Variants in ZNF521 observed in about 807,000 individuals in gnomAD.
The protein encoded by ZNF521 is zinc finger protein 521, also known as LYST-interacting protein 3.
In ZNF521, 14 loss-of-function variants were observed where a neutral mutation model predicts 105.5. That is an observed-to-expected ratio of 0.13 (90% CI 0.09 to 0.21). The LOEUF (loss-of-function observed/expected upper bound fraction) is 0.21. Ranked by LOEUF, ZNF521 falls within the 10% of genes least tolerant of loss-of-function variation. The pLI, the probability that ZNF521 is intolerant of heterozygous loss-of-function variation, is 1.00. For synonymous variants in ZNF521, 635 were observed against 606.0 expected (o/e 1.05, Z -0.70); for missense variants, 1,233 against 1,629.7 (o/e 0.76, Z 4.19).
At chr18:25,131,838 G>T (rs964529478) in intron 5 of ZNF521, among the ~76,000 whole-genome samples, 1 of 152,016 alleles carries the variant, frequency 6.6e-6, no homozygotes, top group African/African-American at 2.4e-5. Flanking sequence ...ATACACCAGA[G>T]GATTATTCCA....
At chr18:25,083,377 T>C (rs964817654) in intron 7 of ZNF521, among the ~76,000 whole-genome samples, 1 of 152,220 alleles carries the variant, frequency 6.6e-6, no homozygotes, top group Non-Finnish European at 1.5e-5. Flanking sequence ...AGTTCTGATA[T>C]GTCTGAGGTA....
chr18:25,189,315 T>C (rs2035779279), intron 5 of ZNF521, among the ~76,000 whole-genome samples: 1 of 152,222 alleles, frequency 6.6e-6, no homozygotes, highest in African/African-American at 2.4e-5. Flanking sequence ...TCTAAATACA[T>C]CCTGAATTTT....
intron 2 of ZNF521, among the ~76,000 whole-genome samples, chr18:25,326,845 T>C (rs1913247138): frequency 6.6e-6 from 1 of 152,200 alleles, no homozygotes; most frequent in African/African-American, 2.4e-5. Flanking sequence ...ATACTCCACT[T>C]ATATACTCAC....
intron 5 of ZNF521, among the ~76,000 whole-genome samples, chr18:25,185,274 A>T (rs57982684): frequency 0.02 from 2,985 of 152,262 alleles, 106 homozygotes; most frequent in African/African-American, 0.069. Flanking sequence ...TCTTTTAAGA[A>T]GATGAAGAGG....
At chr18:25,334,536 G>A (rs144619268) in intron 2 of ZNF521, among the ~76,000 whole-genome samples, 1 of 152,308 alleles carries the variant, frequency 6.6e-6, no homozygotes, top group East Asian at 1.9e-4. Flanking sequence ...GGAAGACACA[G>A]TGTCTTTTGA....
At chr18:25,088,757 A>C (rs926595351) in intron 7 of ZNF521, among the ~76,000 whole-genome samples, 2 of 152,186 alleles carry the variant, frequency 1.3e-5, no homozygotes, top group Admixed American at 6.5e-5. Context: ...AGCTAAGAAA[A>C]ATAAGAATAA....
intron 2 of ZNF521, among the ~76,000 whole-genome samples, chr18:25,345,927 C>T (rs1914440910): frequency 6.6e-6 from 1 of 152,098 alleles, no homozygotes. Flanking sequence ...AAAAGTAAAG[C>T]ATACATTTCT....
intron 7 of ZNF521, among the ~76,000 whole-genome samples, chr18:25,074,657 T>C (rs1199462271): frequency 6.6e-6 from 1 of 152,188 alleles, no homozygotes; most frequent in Non-Finnish European, 1.5e-5. Flanking sequence ...TTTCCCATTG[T>C]CTTATACTCT....
intron 5 of ZNF521, among the ~76,000 whole-genome samples, chr18:25,173,941 A>C (rs1347448343): frequency 6.6e-6 from 1 of 152,178 alleles, no homozygotes; most frequent in African/African-American, 2.4e-5. Context: ...TCTAAGATTC[A>C]TTCCTTTCAT....
chr18:25,240,114 G>C (rs967282279), intron 3 of ZNF521, among the ~76,000 whole-genome samples: 2 of 152,184 alleles, frequency 1.3e-5, no homozygotes, highest in East Asian at 1.9e-4. Flanking sequence ...AACCTCTTCT[G>C]CACTCCGTTT....
chr18:25,214,258 T>C (rs1023361209), intron 4 of ZNF521, among the ~76,000 whole-genome samples: 5 of 152,310 alleles, frequency 3.3e-5, no homozygotes, highest in African/African-American at 1.2e-4. Flanking sequence ...CTTTTTATAG[T>C]TATTTTGATA....
At chr18:25,187,612 T>C (rs2035748536) in intron 5 of ZNF521, among the ~76,000 whole-genome samples, 2 of 152,218 alleles carry the variant, frequency 1.3e-5, no homozygotes, top group Admixed American at 1.3e-4. Flanking sequence ...TTTTAATGCA[T>C]GACTTTATTC....
At chr18:25,096,130 A>G (rs558405237) in intron 5 of ZNF521, among the ~76,000 whole-genome samples, 1 of 152,364 alleles carries the variant, frequency 6.6e-6, no homozygotes, top group East Asian at 1.9e-4. Context: ...AACTGTGAAC[A>G]TAAATGTAAA....
At chr18:25,171,273 T>C (rs1245445964) in intron 5 of ZNF521, among the ~76,000 whole-genome samples, 1 of 152,154 alleles carries the variant, frequency 6.6e-6, no homozygotes, top group African/African-American at 2.4e-5. Flanking sequence ...GCAGTTAAGC[T>C]TCTTTGAATG....
At position 25,089,495 on chromosome 18, in the gene ZNF521, T is replaced by C. The variant is rs765700068; in HGVS notation, c.3876A>G (p.Pro1292=). 1 of 1,614,194 alleles carries C rather than the reference T, an allele frequency of 6.2e-7. No homozygotes were observed. The highest frequency in any genetic ancestry group is 1.1e-5 in the South Asian group (1 of 91,074). Residue 1292 remains proline (P), a synonymous_variant, in exon 7 of 8, where the codon CCA becomes CCG. Coordinates refer to ENST00000361524, the MANE Select transcript of ZNF521 (RefSeq NM_015461.3). ...GCTCTGTTTGGAAGAAAAACTTCTGTGGACATTGTGTACAGTCATAGATCT... is the reference window on the plus strand; with the variant it reads ...GCTCTGTTTGGAAGAAAAACTTCTGCGGACATTGTGTACAGTCATAGATCT... ...EDKIYDCTQC[P]QKFFFQTELQ...
chr18:25,291,421 T>C (rs1171225538), intron 3 of ZNF521, among the ~76,000 whole-genome samples: 2 of 152,208 alleles, frequency 1.3e-5, no homozygotes, highest in Non-Finnish European at 2.9e-5. Flanking sequence ...TATTTGACAA[T>C]ATCCCTTGCT....
At chr18:25,119,405 A>C (rs2034390693) in intron 5 of ZNF521, among the ~76,000 whole-genome samples, 1 of 152,208 alleles carries the variant, frequency 6.6e-6, no homozygotes, top group Non-Finnish European at 1.5e-5. Flanking sequence ...ATCAAGATTG[A>C]CCATATGTTC....
At chr18:25,106,823 T>C (rs1223657527) in intron 5 of ZNF521, among the ~76,000 whole-genome samples, 1 of 152,216 alleles carries the variant, frequency 6.6e-6, no homozygotes, top group Non-Finnish European at 1.5e-5. Flanking sequence ...AGTCCAGTTT[T>C]ATAATCTGTC....
intron 5 of ZNF521, among the ~76,000 whole-genome samples, chr18:25,155,223 G>A (rs2035121467): frequency 6.6e-6 from 1 of 152,104 alleles, no homozygotes; most frequent in Non-Finnish European, 1.5e-5. Context: ...ATCTATTCAA[G>A]TTCTTTACCC....
Sources: gnomAD v4.1 joint callset for allele counts (sites outside exome capture counted in the v4.1 genomes callset) on GRCh38, gnomAD v4.1.1 for gene constraint, MANE v1.5 for transcripts, NCBI Gene and HGNC (gene_info 2026-07-23, HGNC 2026-07-21) for gene names.